Variants in ARSB observed in about 807,000 individuals in gnomAD.
ARSB encodes N-acetylgalactosamine-4-sulfatase.
ARSB carries 41 observed loss-of-function variants against 50.9 expected under a neutral mutation model. The observed-to-expected ratio is 0.81, with a 90% confidence interval of 0.63 to 1.04. The LOEUF (loss-of-function observed/expected upper bound fraction) is 1.04, where lower values mean the gene tolerates loss of function less well. Among genes scored for constraint, ARSB ranks in the 50% least tolerant of loss-of-function variants. The pLI is 0.00. For synonymous variants in ARSB, 269 were observed against 284.8 expected, an observed-to-expected ratio of 0.94 and a Z score of 0.56; for missense variants, 672 against 693.3, an observed-to-expected ratio of 0.97 and a Z score of 0.35.
intron 4 of ARSB, among the ~76,000 whole-genome samples, chr5:78,940,810 G>A (rs866327322): frequency 9.2e-5 from 14 of 152,172 alleles, no homozygotes; most frequent in South Asian, 2.1e-4. Flanking sequence ...GTTTTTTCCA[G>A]TTCTGTGAAG....
At position 78,815,350 on chromosome 5, in the gene ARSB, A is replaced by G. The variant is rs115790985; in HGVS notation, c.1213+24006T>C. Among the ~76,000 whole-genome samples, 688 of 150,272 alleles carry G rather than the reference A, an allele frequency of 4.6e-3. 34 individuals carry two copies. The highest frequency in any genetic ancestry group is 0.015 in the East Asian group (79 of 5,100). ...TATTGCTTTTTCCCTGCTTTTTTCT[A>G]TGAGACTGACTGCTTTTCACTCATC... On this transcript the variant is annotated intron_variant, in intron 6 of 7. Transcript: ENST00000264914.
At chr5:78,958,664 T>G (rs163214) in intron 3 of ARSB, among the ~76,000 whole-genome samples, 33,365 of 152,136 alleles carry the variant, frequency 0.22, 3,995 homozygotes, top group Admixed American at 0.3. Flanking sequence ...TCACGTAGCA[T>G]GTTTGCAACT....
At chr5:78,975,520 C>T (rs1383621523) in intron 1 of ARSB, among the ~76,000 whole-genome samples, 4 of 152,160 alleles carry the variant, frequency 2.6e-5, no homozygotes, top group African/African-American at 7.2e-5. Flanking sequence ...TCTTTCATTG[C>T]TTCTATTCTG....
intron 5 of ARSB, among the ~76,000 whole-genome samples, chr5:78,847,207 A>T (rs1745483779): frequency 6.6e-6 from 1 of 152,094 alleles, no homozygotes; most frequent in Non-Finnish European, 1.5e-5. Context: ...GGCTCATTGC[A>T]GTCTCAATCT....
At chr5:78,956,176 C>T (rs1751715134) in intron 3 of ARSB, among the ~76,000 whole-genome samples, 1 of 152,162 alleles carries the variant, frequency 6.6e-6, no homozygotes, top group Admixed American at 6.5e-5. Context: ...TTTTCAGCAA[C>T]ATATGGCAAT....
intron 4 of ARSB, among the ~76,000 whole-genome samples, chr5:78,927,606 T>G (rs899564855): frequency 6.6e-6 from 1 of 152,120 alleles, no homozygotes; most frequent in African/African-American, 2.4e-5. Flanking sequence ...AAAACAGAGA[T>G]AGTAAAGAAA....
intron 4 of ARSB, among the ~76,000 whole-genome samples, chr5:78,951,282 T>G (rs967065247): frequency 6.6e-6 from 1 of 152,130 alleles, no homozygotes; most frequent in Admixed American, 6.5e-5. Context: ...AAGAAACCAT[T>G]TACTATCTCA....
At chr5:78,985,533 G>C, upstream of ARSB, 1 of 251,024 alleles carries the variant, frequency 4.0e-6, no homozygotes, top group Non-Finnish European at 7.5e-6. Context: ...TATCTTCCCC[G>C]GCAATTAAAT....
chr5:78,910,516 T>C (rs1054901889), intron 4 of ARSB, among the ~76,000 whole-genome samples: 5 of 152,168 alleles, frequency 3.3e-5, no homozygotes, highest in African/African-American at 1.2e-4. Context: ...TCCATGATAA[T>C]AGAATGTAAG....
chr5:78,825,513 T>C (rs1309169019), intron 6 of ARSB, among the ~76,000 whole-genome samples: 1 of 152,222 alleles, frequency 6.6e-6, no homozygotes, highest in African/African-American at 2.4e-5. Context: ...AACATTTGTT[T>C]TTTAAAACAT....
intron 4 of ARSB, among the ~76,000 whole-genome samples, chr5:78,933,979 C>T (rs1426482618): frequency 6.6e-6 from 1 of 152,196 alleles, no homozygotes; most frequent in Non-Finnish European, 1.5e-5. Context: ...CTGTTAAAGG[C>T]TCTGAAGGTG....
At chr5:78,897,982 C>T (rs1433009182) in intron 4 of ARSB, among the ~76,000 whole-genome samples, 2 of 152,012 alleles carry the variant, frequency 1.3e-5, no homozygotes, top group African/African-American at 4.8e-5. Flanking sequence ...AAAACCTCCC[C>T]ACAGGCCGGG....
intron 5 of ARSB, among the ~76,000 whole-genome samples, chr5:78,852,818 C>T (rs1003001889): frequency 2.0e-5 from 3 of 152,178 alleles, no homozygotes; most frequent in African/African-American, 4.8e-5. Flanking sequence ...CATCTTCCAT[C>T]ACTGATACCC....
At position 78,815,803 on chromosome 5, in the gene ARSB, C is replaced by T. The variant is rs911937065; in HGVS notation, c.1213+23553G>A. 9.4e-6 allele frequency: 12 copies of T among 1,274,980 alleles called. No individual in the cohort carries two copies. The African/African-American group carries it at 1.7e-4, about 18-fold the overall frequency. 79.0% of individuals were successfully genotyped at this position (1,274,980 alleles called of 1,614,324 possible). A position where few individuals can be genotyped will look rare whatever the true frequency, so the allele number is the denominator to read the frequency against. On this transcript the variant is annotated intron_variant, in intron 6 of 7. Transcript: ENST00000264914. ...AAAAGGTAACACAAAGAACTTTGGT[C>T]TATGAAGGACACAAATGAATTCTCA...
At chr5:78,849,691 G>C (rs1325450557) in intron 5 of ARSB, among the ~76,000 whole-genome samples, 1 of 147,490 alleles carries the variant, frequency 6.8e-6, no homozygotes, top group African/African-American at 2.5e-5. Flanking sequence ...TCCTGTCCAT[G>C]AGCATGGAAT....
chr5:78,890,481 T>C (rs1748240617), intron 4 of ARSB, among the ~76,000 whole-genome samples: 1 of 152,166 alleles, frequency 6.6e-6, no homozygotes, highest in African/African-American at 2.4e-5. Context: ...CTGCCAAGTC[T>C]ACCTTTAAAA....
chr5:78,962,103 T>G (rs778641095), intron 3 of ARSB, among the ~76,000 whole-genome samples: 11 of 152,158 alleles, frequency 7.2e-5, no homozygotes, highest in Non-Finnish European at 1.3e-4. Context: ...TCAGAGAGCA[T>G]GAGTTTAAAT....
chr5:78,908,169 T>C (rs569656861), intron 4 of ARSB, among the ~76,000 whole-genome samples: 15 of 152,072 alleles, frequency 9.9e-5, no homozygotes, highest in Non-Finnish European at 2.2e-4. Context: ...CCCATCAGAG[T>C]CACGTATAAA....
At chr5:78,979,779 C>A (rs116823335) in intron 1 of ARSB, among the ~76,000 whole-genome samples, 11 of 152,192 alleles carry the variant, frequency 7.2e-5, no homozygotes, top group African/African-American at 2.7e-4. Flanking sequence ...TGCAACAATA[C>A]GGCGTTTCAC....
Sources: gnomAD v4.1 joint callset for allele counts (sites outside exome capture counted in the v4.1 genomes callset) on GRCh38, gnomAD v4.1.1 for gene constraint, MANE v1.5 for transcripts, NCBI Gene and HGNC (gene_info 2026-07-23, HGNC 2026-07-21) for gene names.